EFCAB11: variants seen among roughly 807,000 people sequenced by gnomAD.
EFCAB11 encodes EF-hand calcium binding domain 11.
A neutral mutation model predicts 23.0 loss-of-function variants in EFCAB11; 14 were observed. That is an observed-to-expected ratio of 0.61 (90% CI 0.40 to 0.95). EFCAB11 has a LOEUF of 0.95. Ranked by LOEUF, EFCAB11 falls within the 40% of genes least tolerant of loss-of-function variation. The pLI is 0.00. For missense variants in EFCAB11, 198 were observed against 195.8 expected, an observed-to-expected ratio of 1.01 and a Z score of -0.07; for synonymous variants, 65 against 66.6, an observed-to-expected ratio of 0.98 and a Z score of 0.11.
chr14:89,858,869 C>T (rs989437707), intron 5 of EFCAB11, among the ~76,000 whole-genome samples: 17 of 152,108 alleles, frequency 1.1e-4, no homozygotes, highest in Middle Eastern at 3.4e-3. Flanking sequence ...CATAGAAATA[C>T]GATATACATA....
At chr14:89,937,543 T>C (rs899812912) in intron 3 of EFCAB11, among the ~76,000 whole-genome samples, 3 of 151,822 alleles carry the variant, frequency 2.0e-5, no homozygotes, top group Admixed American at 2.0e-4. Flanking sequence ...ATATATATAT[T>C]TTAGATGGAG....
At chr14:89,876,301 A>T (rs1418140704) in intron 5 of EFCAB11, among the ~76,000 whole-genome samples, 1 of 152,176 alleles carries the variant, frequency 6.6e-6, no homozygotes, top group Non-Finnish European at 1.5e-5. Flanking sequence ...TCCGTTAAAC[A>T]GATGAGGCTG....
intron 5 of EFCAB11, among the ~76,000 whole-genome samples, chr14:89,860,280 C>T (rs1282183349): frequency 6.6e-6 from 1 of 152,148 alleles, no homozygotes. Context: ...AGGAGAATCG[C>T]TTGAACCCAG....
At chr14:89,895,440 C>T (rs895652991) in intron 5 of EFCAB11, among the ~76,000 whole-genome samples, 19 of 152,200 alleles carry the variant, frequency 1.2e-4, no homozygotes, top group African/African-American at 4.1e-4. Context: ...ACTTGCCCTA[C>T]TGGTATTAAG....
At chr14:89,868,421 G>A (rs1888163580) in intron 5 of EFCAB11, among the ~76,000 whole-genome samples, 1 of 152,168 alleles carries the variant, frequency 6.6e-6, no homozygotes, top group African/African-American at 2.4e-5. Flanking sequence ...CCCATTAAAA[G>A]GAAAGATATG....
chr14:89,817,846 C>T (rs977109024), intron 5 of EFCAB11, among the ~76,000 whole-genome samples: 3 of 151,784 alleles, frequency 2.0e-5, no homozygotes, highest in African/African-American at 7.3e-5. Context: ...ATACAAAAAT[C>T]AGCCGGGTGT....
chr14:89,934,815 C>T (rs1369709050), intron 3 of EFCAB11, among the ~76,000 whole-genome samples: 1 of 152,018 alleles, frequency 6.6e-6, no homozygotes, highest in African/African-American at 2.4e-5. Context: ...TCATGAACAC[C>T]AAAATCTAGT....
chr14:89,932,664 T>C lies in EFCAB11; in HGVS notation c.218-37A>G, dbSNP rs371365228. On this transcript the variant is annotated intron_variant, in intron 3 of 5. Transcript: ENST00000316738. ...GGAAAAAACAATTTGTCAAAGATTA[T>C]TGTCTTCCTCTTTAAGAAAAAATTA... 31 of 1,498,704 alleles carry C rather than the reference T, an allele frequency of 2.1e-5. No homozygotes were observed. The African/African-American group carries it at 2.5e-4, about 12-fold the overall frequency. The allele number at this position is 1,498,704 out of a possible 1,614,324, so 92.8% of individuals were successfully genotyped here.
intron 5 of EFCAB11, among the ~76,000 whole-genome samples, chr14:89,810,378 T>C (rs1111761): frequency 0.36 from 55,254 of 152,126 alleles, 10,956 homozygotes; most frequent in Middle Eastern, 0.49. Flanking sequence ...CCCATTGTTA[T>C]AGTCTTTATA....
chr14:89,845,977 T>C (rs972685495), intron 5 of EFCAB11, among the ~76,000 whole-genome samples: 1 of 152,166 alleles, frequency 6.6e-6, no homozygotes, highest in African/African-American at 2.4e-5. Flanking sequence ...TAGATGCAAA[T>C]TGCCCGGATT....
At chr14:89,806,306 C>T (rs1885965938) in intron 5 of EFCAB11, among the ~76,000 whole-genome samples, 1 of 152,154 alleles carries the variant, frequency 6.6e-6, no homozygotes, top group Admixed American at 6.5e-5. Flanking sequence ...TTATTGACTA[C>T]TTGTAGACAT....
chr14:89,851,706 T>C (rs1887605459), intron 5 of EFCAB11, among the ~76,000 whole-genome samples: 1 of 152,226 alleles, frequency 6.6e-6, no homozygotes, highest in Non-Finnish European at 1.5e-5. Flanking sequence ...TTTTAAGAAT[T>C]GGAAGACTAT....
intron 5 of EFCAB11, among the ~76,000 whole-genome samples, chr14:89,851,140 G>A (rs555904888): frequency 3.3e-5 from 5 of 152,118 alleles, no homozygotes; most frequent in African/African-American, 4.8e-5. Flanking sequence ...ATGTGTAAAG[G>A]TCCCTTACCC....
chr14:89,852,826 C>T (rs974328882), intron 5 of EFCAB11, among the ~76,000 whole-genome samples: 14 of 152,148 alleles, frequency 9.2e-5, no homozygotes, highest in African/African-American at 3.4e-4. Flanking sequence ...CATTGCTGTG[C>T]AACCATCGTG....
chr14:89,918,160 T>G (rs1269221951), intron 5 of EFCAB11, among the ~76,000 whole-genome samples: 1 of 151,624 alleles, frequency 6.6e-6, no homozygotes, highest in Non-Finnish European at 1.5e-5. Flanking sequence ...AGAAATGTCT[T>G]AGATCAAAAA....
intron 5 of EFCAB11, among the ~76,000 whole-genome samples, chr14:89,898,666 CT>C (rs36098790): frequency 0.14 from 16,425 of 120,946 alleles, 1,146 homozygotes; most frequent in South Asian, 0.24. Flanking sequence ...CGCCTGGCCT[CT>C]TTTTTTTTTT....
At chr14:89,829,031 T>C (rs1024923243) in intron 5 of EFCAB11, among the ~76,000 whole-genome samples, 1 of 152,234 alleles carries the variant, frequency 6.6e-6, no homozygotes, top group Non-Finnish European at 1.5e-5. Flanking sequence ...TTCCTGTTTA[T>C]GTGCAATTGG....
At chr14:89,853,735 A>C (rs948126127) in intron 5 of EFCAB11, among the ~76,000 whole-genome samples, 1 of 152,260 alleles carries the variant, frequency 6.6e-6, no homozygotes, top group Admixed American at 6.5e-5. Context: ...ATTTCTTTAA[A>C]AGACTGTAAT....
intron 5 of EFCAB11, among the ~76,000 whole-genome samples, chr14:89,890,933 C>T (rs2140188180): frequency 6.6e-6 from 1 of 152,270 alleles, no homozygotes; most frequent in East Asian, 1.9e-4. Context: ...TTCCCTGGTG[C>T]TGAGCAAAGG....
Sources: gnomAD v4.1 joint callset for allele counts (sites outside exome capture counted in the v4.1 genomes callset) on GRCh38, gnomAD v4.1.1 for gene constraint, MANE v1.5 for transcripts, NCBI Gene and HGNC (gene_info 2026-07-23, HGNC 2026-07-21) for gene names.